MOXD1: variants seen among roughly 807,000 people sequenced by gnomAD.
MOXD1 encodes DBH-like monooxygenase protein 1.
In MOXD1, 62 loss-of-function variants were observed where a neutral mutation model predicts 66.6. The ratio of observed to expected loss-of-function variants is 0.93; its 90% CI spans 0.76 to 1.15. MOXD1 has a LOEUF of 1.15. Ranked by LOEUF, MOXD1 falls within the 50% of genes most tolerant of loss-of-function variation. The pLI, the probability that MOXD1 is intolerant of heterozygous loss-of-function variation, is 0.00. For synonymous variants in MOXD1, 303 were observed against 281.9 expected, an observed-to-expected ratio of 1.07 and a Z score of -0.75; for missense variants, 847 against 754.6, an observed-to-expected ratio of 1.12 and a Z score of -1.44.
chr6:132,341,929 T>TTG, intron 4 of MOXD1, among the ~76,000 whole-genome samples: 1 of 152,228 alleles, frequency 6.6e-6, no homozygotes. Context: ...CCCTTACTAG[T>TTG]TGTGTGACCT....
intron 1 of MOXD1, among the ~76,000 whole-genome samples, chr6:132,389,537 T>C (rs1222646136): frequency 6.6e-6 from 1 of 151,542 alleles, no homozygotes; most frequent in Non-Finnish European, 1.5e-5. Context: ...TATTAATGCC[T>C]GTGTCCACCT....
chr6:132,309,449 C>A (rs1334643637), intron 10 of MOXD1, among the ~76,000 whole-genome samples: 6 of 152,050 alleles, frequency 3.9e-5, no homozygotes, highest in Admixed American at 1.3e-4. Flanking sequence ...TACTGCCCAA[C>A]GTAATTTATA....
intron 2 of MOXD1, 109 bp from the exon 3 acceptor site, chr6:132,373,106 C>G: frequency 9.3e-7 from 1 of 1,073,188 alleles, no homozygotes; most frequent in Non-Finnish European, 1.3e-6. Flanking sequence ...GAAGAAAAGA[C>G]AATAATGACA....
At chr6:132,364,222 A>T (rs1019071012) in intron 4 of MOXD1, among the ~76,000 whole-genome samples, 3 of 152,146 alleles carry the variant, frequency 2.0e-5, no homozygotes, top group African/African-American at 7.2e-5. Flanking sequence ...CTTAAATTTC[A>T]TTTGGGTTAG....
chr6:132,349,450 TAC>T (rs143469577), intron 4 of MOXD1, among the ~76,000 whole-genome samples: 2,134 of 54,298 alleles, frequency 0.039, 294 homozygotes, highest in African/African-American at 0.085. Context: ...TATATATATA[TAC>T]ATATATATAT....
At chr6:132,367,143 T>C (rs567333951) in intron 4 of MOXD1, among the ~76,000 whole-genome samples, 1 of 152,158 alleles carries the variant, frequency 6.6e-6, no homozygotes, top group Non-Finnish European at 1.5e-5. Context: ...TCTCCAAAGC[T>C]GAAAATTTTC....
At chr6:132,347,549 T>C (rs893492599) in intron 4 of MOXD1, among the ~76,000 whole-genome samples, 1 of 151,914 alleles carries the variant, frequency 6.6e-6, no homozygotes, top group African/African-American at 2.4e-5. Context: ...TGTTGGTGGG[T>C]GCCTGTAATC....
chr6:132,322,970 T>C, intron 7 of MOXD1, 100 bp from the exon 8 acceptor site: 1 of 1,025,048 alleles, frequency 9.8e-7, no homozygotes, highest in South Asian at 2.0e-5. Flanking sequence ...GATAAAAAGC[T>C]AAAGCAATTT....
chr6:132,323,968 T>C lies in MOXD1; in HGVS notation c.1076A>G (p.Gln359Arg). The change falls in exon 7 of 12, where the codon CAG becomes CGG. Residue 359 changes from glutamine to arginine, a missense_variant. Transcript: ENST00000367963. Reference sequence around the variant, plus strand: ...CTCCAAAGTGCAGTGACCCTCAGACTGGAACTCAGGCATCCCTGGAGGGAT... The same window carrying C: ...CTCCAAAGTGCAGTGACCCTCAGACCGGAACTCAGGCATCCCTGGAGGGAT... Reference protein sequence around the residue: ...HTIPPGMPEFQSEGHCTLECL... With the variant: ...HTIPPGMPEFRSEGHCTLECL... 3 of 1,613,722 alleles carry C rather than the reference T, an allele frequency of 1.9e-6. No homozygotes were observed. The highest frequency in any genetic ancestry group is 2.2e-5 in the South Asian group (2 of 90,982).
intron 1 of MOXD1, among the ~76,000 whole-genome samples, chr6:132,398,274 A>G (rs1562303536): frequency 6.6e-6 from 1 of 152,218 alleles, no homozygotes; most frequent in Non-Finnish European, 1.5e-5. Context: ...TCTCTACCTG[A>G]TCGATAAAAA....
rs748724921 is a variant in MOXD1, at chr6:132,328,064, G to A, written c.895C>T (p.Pro299Ser). 1 of 1,613,908 alleles carries A rather than the reference G, an allele frequency of 6.2e-7. No homozygotes were observed. The highest frequency in any genetic ancestry group is 2.2e-5 in the East Asian group (1 of 44,868). The change falls in exon 6 of 12, where the codon CCG becomes TCG. Residue 299 changes from proline (P) to serine (S), a missense_variant. By Grantham distance (74) the Pro-to-Ser change is moderately conservative. Coordinates refer to ENST00000367963, the MANE Select transcript of MOXD1 (RefSeq NM_015529.4). ...VGLSLGTPLD[P>S]HYVLLEVHYD... ...TGGACTTCTAGGAGCACATAATGCG[G>A]ATCTAATGGAGTGCCAAGGGATAAT... is the stretch of plus-strand genomic sequence containing the variant.
At chr6:132,351,350 AG>A (rs1775799681) in intron 4 of MOXD1, among the ~76,000 whole-genome samples, 1 of 152,254 alleles carries the variant, frequency 6.6e-6, no homozygotes, top group East Asian at 1.9e-4. Flanking sequence ...TTAATCGTAA[AG>A]GGATGCCAGA....
At chr6:132,386,435 A>AAC (rs1478139163) in intron 1 of MOXD1, among the ~76,000 whole-genome samples, 2,058 of 144,804 alleles carry the variant, frequency 0.014, 85 homozygotes, top group African/African-American at 0.05. Flanking sequence ...AAACAAAACA[A>AAC]AAAAAAAAAA....
chr6:132,379,367 A>T (rs1776465494), intron 1 of MOXD1, among the ~76,000 whole-genome samples: 1 of 152,144 alleles, frequency 6.6e-6, no homozygotes, highest in Non-Finnish European at 1.5e-5. Flanking sequence ...CAACCCTTTA[A>T]AGGGCACCTA....
Position 132,303,862 on chromosome 6 carries a change from TATATATATATATATATAC to T in MOXD1, c.1509-5925_1509-5908del, listed in dbSNP as rs1372425964. On this transcript the variant is annotated intron_variant, in intron 10 of 11. Coordinates refer to ENST00000367963, the MANE Select transcript of MOXD1 (RefSeq NM_015529.4). ...ATATATATATATATATATATATATATATATATATATATATATACATATATACATAAAACCTTAGGACAA... is the reference window on the plus strand; with the variant it reads ...ATATATATATATATATATATATATATATATATACATAAAACCTTAGGACAA... Among the ~76,000 whole-genome samples the T allele has an allele frequency of 9.9e-3, 601 of 60,858 alleles. 9 individuals are homozygous for T. The highest frequency in any genetic ancestry group is 0.087 in the African/African-American group (582 of 6,656). The allele number at this position is 60,858 out of a possible 152,430, so 39.9% of individuals were successfully genotyped here. A position where few individuals can be genotyped will look rare whatever the true frequency, so the allele number is the denominator to read the frequency against.
At position 132,372,914 on chromosome 6, in the gene MOXD1, G is replaced by T; in HGVS notation, c.495C>A (p.Gly165=). The change falls in exon 3 of 12, where the codon GGC becomes GGA. Residue 165 remains glycine (G), a synonymous_variant. Coordinates refer to ENST00000367963, the MANE Select transcript of MOXD1 (RefSeq NM_015529.4). ...AGPKYHDSNR[G]TKSLRLLNPE... ...GATTCAATAACCGCAAACTCTTGGTGCCCCTATTGGAGTCATGGTACTTGG... is the reference window on the plus strand; with the variant it reads ...GATTCAATAACCGCAAACTCTTGGTTCCCCTATTGGAGTCATGGTACTTGG... 1 of 1,613,990 alleles carries T rather than the reference G, an allele frequency of 6.2e-7. No individual in the cohort carries two copies. Among genetic ancestry groups the T allele is most frequent in the Non-Finnish European group, 8.5e-7 (1 of 1,179,906 alleles).
intron 10 of MOXD1, among the ~76,000 whole-genome samples, chr6:132,304,481 C>T (rs185298750): frequency 9.2e-5 from 14 of 152,262 alleles, no homozygotes; most frequent in Middle Eastern, 6.8e-3. Context: ...GGATATAAAA[C>T]CAAGAATGGG....
chr6:132,340,868 G>T (rs940419664), intron 4 of MOXD1, among the ~76,000 whole-genome samples: 2 of 151,770 alleles, frequency 1.3e-5, no homozygotes, highest in Admixed American at 1.3e-4. Context: ...GAATGGTCTC[G>T]ATCTCCTGAC....
intron 10 of MOXD1, among the ~76,000 whole-genome samples, chr6:132,304,126 G>A (rs1774634039): frequency 1.3e-5 from 2 of 151,580 alleles, no homozygotes; most frequent in South Asian, 4.2e-4. Flanking sequence ...TTAAGAGGTG[G>A]GGCCTTGAGG....
Sources: allele counts gnomAD v4.1 joint callset (sites outside exome capture counted in the v4.1 genomes callset), GRCh38; gene constraint gnomAD v4.1.1; transcripts MANE v1.5; gene names NCBI Gene and HGNC (gene_info 2026-07-23, HGNC 2026-07-21).